The following DGKB variants were observed in gnomAD, a reference collection of about 807,000 sequenced individuals.
The protein encoded by DGKB is 90 kDa diacylglycerol kinase.
DGKB carries 67 observed loss-of-function variants against 114.3 expected under a neutral mutation model. The observed-to-expected ratio is 0.59, with a 90% CI of 0.48 to 0.72. The LOEUF is 0.72. Among genes scored for constraint, DGKB ranks in the 30% least tolerant of loss-of-function variants. The probability of loss-of-function intolerance (pLI) is 0.00; values close to 1 mark genes in which losing one functional copy is unlikely to be tolerated. For synonymous variants in DGKB, 398 were observed against 323.1 expected (o/e 1.23, Z -2.49); for missense variants, 907 against 975.2 (o/e 0.93, Z 0.93).
At chr7:14,918,393 A>T (rs1166473789) in intron 1 of DGKB, among the ~76,000 whole-genome samples, 2 of 152,192 alleles carry the variant, frequency 1.3e-5, no homozygotes, top group Non-Finnish European at 2.9e-5. Context: ...GAAACTAATA[A>T]ACAAATGTAG....
chr7:14,688,455 C>T (rs1822103493), intron 9 of DGKB, among the ~76,000 whole-genome samples: 1 of 152,126 alleles, frequency 6.6e-6, no homozygotes, highest in South Asian at 2.1e-4. Context: ...TTTGGTTTCT[C>T]AGAAGACGGG....
chr7:14,506,501 G>T (rs946896102), intron 20 of DGKB, among the ~76,000 whole-genome samples: 3 of 152,132 alleles, frequency 2.0e-5, no homozygotes, highest in African/African-American at 7.2e-5. Flanking sequence ...AGACGGCCTG[G>T]CTAACTCTGG....
At chr7:14,378,002 G>C (rs1044990779) in intron 21 of DGKB, among the ~76,000 whole-genome samples, 2 of 152,138 alleles carry the variant, frequency 1.3e-5, no homozygotes, top group African/African-American at 4.8e-5. Flanking sequence ...TTCTGGATCT[G>C]CTAGCCTACT....
intron 1 of DGKB, among the ~76,000 whole-genome samples, chr7:14,963,931 G>T (rs1787007317): frequency 6.6e-6 from 1 of 151,882 alleles, no homozygotes; most frequent in South Asian, 2.1e-4. Context: ...AAGACACAAA[G>T]GTAAAAATAA....
intron 17 of DGKB, among the ~76,000 whole-genome samples, chr7:14,590,660 A>G (rs1234523784): frequency 1.3e-5 from 2 of 151,970 alleles, no homozygotes; most frequent in African/African-American, 2.4e-5. Flanking sequence ...TTCATTCCTT[A>G]CTACATTCAT....
At chr7:14,940,407 A>C (rs1785508769) in intron 1 of DGKB, among the ~76,000 whole-genome samples, 1 of 151,988 alleles carries the variant, frequency 6.6e-6, no homozygotes, top group Admixed American at 6.6e-5. Flanking sequence ...AATTGAGTAC[A>C]ATTTTTTTGT....
At chr7:14,869,788 T>A (rs1852195010) in intron 1 of DGKB, among the ~76,000 whole-genome samples, 1 of 152,250 alleles carries the variant, frequency 6.6e-6, no homozygotes, top group East Asian at 1.9e-4. Context: ...TTAATTTTGT[T>A]TATATTTACA....
chr7:14,334,328 C>T (rs1200464835), intron 23 of DGKB, among the ~76,000 whole-genome samples: 1 of 139,976 alleles, frequency 7.1e-6, no homozygotes, highest in Non-Finnish European at 1.6e-5. Flanking sequence ...CCAGTCAATG[C>T]CACAGTTATT....
intron 21 of DGKB, among the ~76,000 whole-genome samples, chr7:14,416,929 T>C (rs1271965759): frequency 5.3e-5 from 8 of 152,182 alleles, no homozygotes; most frequent in Admixed American, 3.9e-4. Context: ...ATGAACAAGA[T>C]TGTCGTCTGC....
intron 2 of DGKB, among the ~76,000 whole-genome samples, chr7:14,757,948 A>C (rs1449113621): frequency 2.0e-5 from 3 of 152,150 alleles, no homozygotes; most frequent in Non-Finnish European, 4.4e-5. Context: ...AATAAAAACA[A>C]TACAGCTGGA....
intron 20 of DGKB, among the ~76,000 whole-genome samples, chr7:14,543,816 G>A (rs1387385057): frequency 6.6e-6 from 1 of 152,132 alleles, no homozygotes; most frequent in African/African-American, 2.4e-5. Context: ...TACAGAGAAA[G>A]CTCCAAAAAT....
At chr7:14,679,924 A>G (rs984411086) in intron 12 of DGKB, among the ~76,000 whole-genome samples, 2 of 152,064 alleles carry the variant, frequency 1.3e-5, no homozygotes, top group Non-Finnish European at 2.9e-5. Flanking sequence ...ATTGCTTAAA[A>G]TTAAAAATCC....
At chr7:14,702,271 T>A (rs748235062) in intron 6 of DGKB, among the ~76,000 whole-genome samples, 3 of 152,102 alleles carry the variant, frequency 2.0e-5, no homozygotes, top group Non-Finnish European at 4.4e-5. Flanking sequence ...CCATAGATCA[T>A]GATACAAATA....
At chr7:14,932,752 C>G (rs7786729) in intron 1 of DGKB, among the ~76,000 whole-genome samples, 1 of 151,860 alleles carries the variant, frequency 6.6e-6, no homozygotes, top group Non-Finnish European at 1.5e-5. Flanking sequence ...GCTTGAGAAC[C>G]AAAGTATCAT....
chr7:14,225,496 C>T (rs1790650581), intron 23 of DGKB, among the ~76,000 whole-genome samples: 1 of 152,032 alleles, frequency 6.6e-6, no homozygotes, highest in South Asian at 2.1e-4. Context: ...AGTGGGTCCA[C>T]AGAGCTCCTT....
chr7:14,305,985 G>A (rs1024370592), intron 23 of DGKB, among the ~76,000 whole-genome samples: 1 of 152,134 alleles, frequency 6.6e-6, no homozygotes, highest in Non-Finnish European at 1.5e-5. Flanking sequence ...AAGAATTCAT[G>A]AGACCTAGGT....
At position 14,373,796 on chromosome 7, in the gene DGKB, CT is replaced by C. The variant is rs543847437; in HGVS notation, c.1836-28406del. The stretch of plus-strand genomic sequence containing the variant: ...AGATGACTCCCACTAGTATTTTCTA[CT>C]TTTTCCATATTTTAAAATTCATTTT... On this transcript the variant is annotated intron_variant, in intron 21 of 25. Coordinates refer to ENST00000402815, the MANE Select transcript of DGKB (RefSeq NM_001350709.2). Among the ~76,000 whole-genome samples the C allele has an allele frequency of 1.4e-3, 215 of 152,226 alleles. 1 individual carries two copies. The highest frequency in any genetic ancestry group is 4.4e-3 in the African/African-American group (182 of 41,540).
intron 2 of DGKB, among the ~76,000 whole-genome samples, chr7:14,821,481 G>A (rs1166870410): frequency 6.6e-6 from 1 of 152,080 alleles, no homozygotes; most frequent in Non-Finnish European, 1.5e-5. Flanking sequence ...TCTCATAGAG[G>A]GGCTGGCATT....
At chr7:14,532,286 A>G (rs1791726325) in intron 20 of DGKB, among the ~76,000 whole-genome samples, 1 of 151,150 alleles carries the variant, frequency 6.6e-6, no homozygotes, top group Non-Finnish European at 1.5e-5. Context: ...AAAACCAACC[A>G]TATCAATAAT....
Sources: allele counts gnomAD v4.1 joint callset (sites outside exome capture counted in the v4.1 genomes callset), GRCh38; gene constraint gnomAD v4.1.1; transcripts MANE v1.5; gene names NCBI Gene and HGNC (gene_info 2026-07-23, HGNC 2026-07-21).